The following COMMD10 variants were observed in gnomAD, a reference collection of about 807,000 sequenced individuals.
COMMD10 encodes the protein COMM domain-containing protein 10.
Under a neutral mutation model 28.9 loss-of-function variants are expected in COMMD10, and 33 were observed. The ratio of observed to expected loss-of-function variants is 1.14; its 90% CI spans 0.87 to 1.53. The LOEUF (loss-of-function observed/expected upper bound fraction) is 1.53, where lower values mean the gene tolerates loss of function less well. COMMD10 is among the 40% of genes most tolerant of loss of function. COMMD10 has a pLI of 0.00. For synonymous variants in COMMD10, 110 were observed against 81.7 expected (o/e 1.35, Z -1.87); for missense variants, 310 against 233.4 (o/e 1.33, Z -2.14).
intron 5 of COMMD10, chr5:116,218,301 T>G: frequency 1.4e-6 from 1 of 711,044 alleles, no homozygotes; most frequent in Non-Finnish European, 2.6e-6. Context: ...GGCATGGTGG[T>G]GGCAGTGATG....
intron 5 of COMMD10, among the ~76,000 whole-genome samples, chr5:116,232,269 A>G (rs2112655445): frequency 6.6e-6 from 1 of 152,164 alleles, no homozygotes; most frequent in Middle Eastern, 3.4e-3. Context: ...TTAGAAATGG[A>G]GGACTTTGAG....
At chr5:116,101,148 T>C (rs548992277) in intron 4 of COMMD10, among the ~76,000 whole-genome samples, 1 of 152,322 alleles carries the variant, frequency 6.6e-6, no homozygotes, top group African/African-American at 2.4e-5. Flanking sequence ...AGTCATCCAA[T>C]GATGGACACT....
intron 5 of COMMD10, among the ~76,000 whole-genome samples, chr5:116,153,170 A>T (rs1348984724): frequency 6.6e-6 from 1 of 152,138 alleles, no homozygotes; most frequent in East Asian, 1.9e-4. Flanking sequence ...GGAGATGGAC[A>T]GATCTTACAT....
chr5:116,130,664 C>G (rs1190686824), intron 4 of COMMD10, among the ~76,000 whole-genome samples: 3 of 151,886 alleles, frequency 2.0e-5, no homozygotes, highest in East Asian at 1.9e-4. Flanking sequence ...GTCTGTGACC[C>G]AAAATATTTA....
chr5:116,198,683 C>T (rs1748589451), intron 5 of COMMD10, among the ~76,000 whole-genome samples: 1 of 152,136 alleles, frequency 6.6e-6, no homozygotes, highest in Non-Finnish European at 1.5e-5. Context: ...TTTACATTTT[C>T]AGAAGTGTCA....
chr5:116,198,307 G>T (rs1488524918), intron 5 of COMMD10, among the ~76,000 whole-genome samples: 2 of 152,038 alleles, frequency 1.3e-5, no homozygotes, highest in Admixed American at 1.3e-4. Context: ...GACATAATTG[G>T]TTGTTATGGA....
chr5:116,282,231 GT>G (rs1292368138), intron 5 of COMMD10, among the ~76,000 whole-genome samples: 1 of 151,640 alleles, frequency 6.6e-6, no homozygotes, highest in Admixed American at 6.6e-5. Flanking sequence ...CCCAATTCAA[GT>G]CTGTCATCAA....
At chr5:116,139,523 T>C (rs372048188) in intron 5 of COMMD10, among the ~76,000 whole-genome samples, 1 of 151,818 alleles carries the variant, frequency 6.6e-6, no homozygotes, top group African/African-American at 2.4e-5. Flanking sequence ...TTAAAGGTGG[T>C]GTTAGTATTG....
intron 1 of COMMD10, among the ~76,000 whole-genome samples, 195 bp from the exon 2 acceptor site, chr5:116,087,302 A>G (rs778318260): frequency 6.6e-6 from 1 of 152,206 alleles, no homozygotes; most frequent in East Asian, 1.9e-4. Flanking sequence ...TTTCAGCAGA[A>G]GTAATTTTGG....
At chr5:116,174,508 A>G (rs1464541112) in intron 5 of COMMD10, among the ~76,000 whole-genome samples, 1 of 152,202 alleles carries the variant, frequency 6.6e-6, no homozygotes, top group Non-Finnish European at 1.5e-5. Flanking sequence ...GGGAGCAATG[A>G]TATAACTGAT....
chr5:116,166,164 T>TAGTAAC (rs1159734289), intron 5 of COMMD10, among the ~76,000 whole-genome samples: 1 of 151,750 alleles, frequency 6.6e-6, no homozygotes, highest in Non-Finnish European at 1.5e-5. Flanking sequence ...CAAATGGCGA[T>TAGTAAC]AGTTGTTCCT....
chr5:116,266,881 T>C (rs749510254), intron 5 of COMMD10, among the ~76,000 whole-genome samples: 2 of 151,816 alleles, frequency 1.3e-5, no homozygotes, highest in Admixed American at 1.3e-4. Flanking sequence ...AAAAGGCCTT[T>C]GACAAAATTC....
At chr5:116,164,299 C>T (rs112508402) in intron 5 of COMMD10, among the ~76,000 whole-genome samples, 1 of 150,346 alleles carries the variant, frequency 6.7e-6, no homozygotes. Context: ...CCAGCCTGGG[C>T]AACACAGTGA....
chr5:116,173,795 A>T, intron 5 of COMMD10, among the ~76,000 whole-genome samples: 1 of 149,468 alleles, frequency 6.7e-6, no homozygotes. Flanking sequence ...TTCCTTGTTA[A>T]TCCATTTTTT....
intron 5 of COMMD10, among the ~76,000 whole-genome samples, chr5:116,203,750 T>C (rs1267759144): frequency 6.6e-6 from 1 of 151,646 alleles, no homozygotes; most frequent in Non-Finnish European, 1.5e-5. Flanking sequence ...GCACTAAACA[T>C]GGAAAGGCAC....
intron 5 of COMMD10, among the ~76,000 whole-genome samples, chr5:116,162,809 A>G (rs551863914): frequency 6.6e-6 from 1 of 152,208 alleles, no homozygotes; most frequent in East Asian, 1.9e-4. Flanking sequence ...GGGTTATCGC[A>G]CAGAACACCT....
At chr5:116,275,779 T>G (rs953043734) in intron 5 of COMMD10, among the ~76,000 whole-genome samples, 4 of 151,706 alleles carry the variant, frequency 2.6e-5, no homozygotes, top group Non-Finnish European at 5.9e-5. Context: ...CAAAGTTGTA[T>G]GTAGAACATC....
intron 4 of COMMD10, among the ~76,000 whole-genome samples, chr5:116,114,643 A>C (rs1409425394): frequency 6.6e-6 from 1 of 152,130 alleles, no homozygotes; most frequent in East Asian, 1.9e-4. Context: ...TGTCCTATGA[A>C]ATGCTTGCAT....
chr5:116,246,503 G>C (rs1561390162), intron 5 of COMMD10, among the ~76,000 whole-genome samples: 1 of 151,672 alleles, frequency 6.6e-6, no homozygotes. Flanking sequence ...AAGTTCATCT[G>C]GAACCAAAAA....
Sources: gnomAD v4.1 joint callset for allele counts (sites outside exome capture counted in the v4.1 genomes callset) on GRCh38, gnomAD v4.1.1 for gene constraint, MANE v1.5 for transcripts, NCBI Gene and HGNC (gene_info 2026-07-23, HGNC 2026-07-21) for gene names.